The following GRID1 variants were observed in gnomAD, a reference collection of about 807,000 sequenced individuals.
GRID1 encodes glutamate ionotropic receptor delta type subunit 1, also known as glutamate receptor ionotropic, delta-1.
Under a neutral mutation model 98.0 loss-of-function variants are expected in GRID1, and 28 were observed. The observed-to-expected ratio is 0.29, with a 90% confidence interval of 0.21 to 0.39. The LOEUF (loss-of-function observed/expected upper bound fraction) is 0.39, where lower values mean the gene tolerates loss of function less well. Ranked by LOEUF, GRID1 falls within the 10% of genes least tolerant of loss-of-function variation. GRID1 has a pLI of 1.00. For synonymous variants in GRID1, 553 were observed against 538.5 expected, an observed-to-expected ratio of 1.03 and a Z score of -0.37; for missense variants, 1,111 against 1,340.5, an observed-to-expected ratio of 0.83 and a Z score of 2.67.
At chr10:85,882,290 T>C (rs950869728) in intron 5 of GRID1, among the ~76,000 whole-genome samples, 20 of 152,198 alleles carry the variant, frequency 1.3e-4, no homozygotes, top group African/African-American at 4.1e-4. Flanking sequence ...CCCAAAGGAT[T>C]ATAAATCATG....
intron 4 of GRID1, among the ~76,000 whole-genome samples, chr10:86,069,107 G>A (rs1375177184): frequency 1.3e-5 from 2 of 152,042 alleles, no homozygotes; most frequent in Non-Finnish European, 2.9e-5. Flanking sequence ...GGATGGGCCA[G>A]GGAAGGGCAG....
chr10:85,673,089 A>C (rs1048032504), intron 12 of GRID1, among the ~76,000 whole-genome samples: 1 of 152,234 alleles, frequency 6.6e-6, no homozygotes, highest in African/African-American at 2.4e-5. Context: ...TGACTTTGAG[A>C]GGTTCAAGAC....
At chr10:85,884,535 T>G (rs921349561) in intron 5 of GRID1, among the ~76,000 whole-genome samples, 1 of 152,222 alleles carries the variant, frequency 6.6e-6, no homozygotes, top group African/African-American at 2.4e-5. Context: ...TCTTGAATCA[T>G]CTCATTATCG....
At chr10:85,696,499 T>C (rs1437070014) in intron 12 of GRID1, among the ~76,000 whole-genome samples, 2 of 152,130 alleles carry the variant, frequency 1.3e-5, no homozygotes, top group African/African-American at 4.8e-5. Flanking sequence ...CAGAAGCTAC[T>C]GGGAGATGAA....
At chr10:85,624,906 C>T (rs919873205) in intron 13 of GRID1, among the ~76,000 whole-genome samples, 1 of 151,952 alleles carries the variant, frequency 6.6e-6, no homozygotes, top group African/African-American at 2.4e-5. Context: ...TAAATATTTA[C>T]TATTAGGGAA....
intron 4 of GRID1, among the ~76,000 whole-genome samples, chr10:86,039,056 C>T (rs1843310518): frequency 1.3e-5 from 2 of 152,306 alleles, no homozygotes; most frequent in African/African-American, 2.4e-5. Flanking sequence ...CCACTTCTTT[C>T]CTTTAGGTCT....
chr10:86,100,705 A>G (rs1282787342), intron 4 of GRID1, among the ~76,000 whole-genome samples: 2 of 152,218 alleles, frequency 1.3e-5, no homozygotes, highest in African/African-American at 2.4e-5. Context: ...GACTTGCTGT[A>G]GCCAATGGGA....
chr10:86,178,624 G>A (rs992813627), intron 3 of GRID1, among the ~76,000 whole-genome samples: 6 of 151,686 alleles, frequency 4.0e-5, no homozygotes, highest in Admixed American at 2.0e-4. Flanking sequence ...ACCCCGGGGC[G>A]TTCTACACAC....
At chr10:86,107,266 T>TG (rs1844404903) in intron 4 of GRID1, among the ~76,000 whole-genome samples, 1 of 152,234 alleles carries the variant, frequency 6.6e-6, no homozygotes, top group African/African-American at 2.4e-5. Context: ...TGGAGCCCTG[T>TG]GGCCCTGCCC....
chr10:85,782,013 G>A (rs1262087423), intron 8 of GRID1, among the ~76,000 whole-genome samples: 1 of 151,938 alleles, frequency 6.6e-6, no homozygotes, highest in African/African-American at 2.4e-5. Context: ...AGTCTTTTTT[G>A]TCAAAATTAA....
At chr10:85,762,901 G>A (rs1842160361) in intron 8 of GRID1, among the ~76,000 whole-genome samples, 1 of 152,170 alleles carries the variant, frequency 6.6e-6, no homozygotes, top group African/African-American at 2.4e-5. Context: ...CCCCTGAGTA[G>A]CCTCAGGGTT....
At chr10:86,319,705 G>A (rs966423917) in intron 2 of GRID1, among the ~76,000 whole-genome samples, 2 of 152,236 alleles carry the variant, frequency 1.3e-5, no homozygotes, top group Non-Finnish European at 2.9e-5. Context: ...TGGGAGGTGG[G>A]CAATCCTGGT....
chr10:85,690,365 C>T (rs1276950261), intron 12 of GRID1, among the ~76,000 whole-genome samples: 1 of 152,174 alleles, frequency 6.6e-6, no homozygotes, highest in East Asian at 1.9e-4. Context: ...CTAAGGTCAG[C>T]ACTTTATGAC....
chr10:86,205,846 A>G (rs939415206), intron 3 of GRID1, among the ~76,000 whole-genome samples: 1 of 151,978 alleles, frequency 6.6e-6, no homozygotes, highest in African/African-American at 2.4e-5. Flanking sequence ...GCCCAGCCCT[A>G]CCCAGTGTTC....
chr10:86,187,139 C>G (rs989968881), intron 3 of GRID1, among the ~76,000 whole-genome samples: 3 of 152,052 alleles, frequency 2.0e-5, no homozygotes, highest in Non-Finnish European at 4.4e-5. Context: ...TCATTGGGGG[C>G]GGGGCGGGGC....
At chr10:86,132,902 C>T (rs1844859854) in intron 4 of GRID1, among the ~76,000 whole-genome samples, 1 of 152,144 alleles carries the variant, frequency 6.6e-6, no homozygotes, top group Admixed American at 6.5e-5. Context: ...GGGAGTGGCC[C>T]CTTCCACCTT....
At chr10:86,292,613 T>C (rs536755098) in intron 2 of GRID1, among the ~76,000 whole-genome samples, 3 of 152,266 alleles carry the variant, frequency 2.0e-5, no homozygotes, top group Admixed American at 2.0e-4. Context: ...ACCCCTGCCT[T>C]CCTCCCTCTC....
intron 4 of GRID1, among the ~76,000 whole-genome samples, chr10:85,950,758 C>T (rs1005808376): frequency 1.3e-5 from 2 of 152,190 alleles, no homozygotes; most frequent in Non-Finnish European, 2.9e-5. Flanking sequence ...CCCCTTCATC[C>T]TCTGTGGCTC....
At chr10:86,123,561 C>T (rs1244568345) in intron 4 of GRID1, among the ~76,000 whole-genome samples, 3 of 152,222 alleles carry the variant, frequency 2.0e-5, no homozygotes, top group Admixed American at 6.5e-5. Context: ...AAATCGCAGC[C>T]CTGGGGAGGC....
Sources: gnomAD v4.1 joint callset for allele counts (sites outside exome capture counted in the v4.1 genomes callset) on GRCh38, gnomAD v4.1.1 for gene constraint, MANE v1.5 for transcripts, NCBI Gene and HGNC (gene_info 2026-07-23, HGNC 2026-07-21) for gene names.